The following ESRRG variants were observed in gnomAD, a reference collection of about 807,000 sequenced individuals.
ESRRG encodes estrogen related receptor gamma, also known as estrogen-related receptor gamma.
A neutral mutation model predicts 44.0 loss-of-function variants in ESRRG; 13 were observed. The observed-to-expected ratio is 0.30, with a 90% CI of 0.19 to 0.47. ESRRG has a LOEUF of 0.47. Among genes scored for constraint, ESRRG ranks in the 20% least tolerant of loss-of-function variants. The probability of loss-of-function intolerance (pLI) is 1.00; values close to 1 mark genes in which losing one functional copy is unlikely to be tolerated. For synonymous variants in ESRRG, 215 were observed against 214.6 expected (o/e 1.00, Z -0.02); for missense variants, 395 against 580.6 (o/e 0.68, Z 3.29).
chr1:216,526,388 G>C (rs538408834), intron 5 of ESRRG, among the ~76,000 whole-genome samples: 1 of 152,102 alleles, frequency 6.6e-6, no homozygotes, highest in African/African-American at 2.4e-5. Context: ...AGAGATGGAC[G>C]TGTGCAGAGG....
At position 216,716,039 on chromosome 1, in the gene ESRRG, G is replaced by A. The variant is rs375824162; in HGVS notation, c.56+7205C>T. Among the ~76,000 whole-genome samples the A allele has an allele frequency of 3.2e-3, 494 of 152,066 alleles. 1 individual carries two copies. The highest frequency in any genetic ancestry group is 0.012 in the African/African-American group (482 of 41,520). ...TGAATATGCCATACAAAAAGAAAGC[G>A]TAAGATTTTTTTGTTTTCCAGAAAA... On this transcript the variant is annotated intron_variant, in intron 1 of 6. Coordinates refer to ENST00000408911, the MANE Select transcript of ESRRG (RefSeq NM_001438.4).
intron 1 of ESRRG, among the ~76,000 whole-genome samples, chr1:217,117,112 T>G (rs1054946830): frequency 6.6e-6 from 1 of 152,176 alleles, no homozygotes; most frequent in African/African-American, 2.4e-5. Flanking sequence ...AGACTAACTT[T>G]GCAGTTTGTC....
chr1:216,936,081 C>T (rs1414045674), intron 2 of ESRRG, among the ~76,000 whole-genome samples: 1 of 151,786 alleles, frequency 6.6e-6, no homozygotes, highest in Non-Finnish European at 1.5e-5. Flanking sequence ...GGGAGCCCTC[C>T]AAAAGTCACC....
chr1:216,712,039 T>C (rs187808896), intron 1 of ESRRG, among the ~76,000 whole-genome samples: 11 of 152,354 alleles, frequency 7.2e-5, no homozygotes, highest in Non-Finnish European at 1.0e-4. Context: ...GATTTCAAAT[T>C]TGACCTTCCT....
chr1:216,578,276 C>A (rs1388698244), intron 3 of ESRRG, among the ~76,000 whole-genome samples: 1 of 151,798 alleles, frequency 6.6e-6, no homozygotes, highest in Non-Finnish European at 1.5e-5. Flanking sequence ...TTTCTTGTAA[C>A]ATTGGTAGCA....
chr1:216,755,152 A>G (rs2092366278), intron 2 of ESRRG, among the ~76,000 whole-genome samples: 1 of 152,078 alleles, frequency 6.6e-6, no homozygotes, highest in Non-Finnish European at 1.5e-5. Flanking sequence ...TTCTTTGAAT[A>G]AGATATTTTA....
At chr1:216,707,551 A>G in intron 1 of ESRRG, 1 of 1,454,328 alleles carries the variant, frequency 6.9e-7, no homozygotes, top group South Asian at 1.3e-5. Context: ...ATGTAAAACT[A>G]CAGCTACTTA....
At chr1:216,762,550 T>C (rs1183648567) in intron 2 of ESRRG, among the ~76,000 whole-genome samples, 1 of 130,378 alleles carries the variant, frequency 7.7e-6, no homozygotes, top group African/African-American at 2.9e-5. Flanking sequence ...CTCTGGGGAC[T>C]GTTGTGGGGT....
upstream of ESRRG, among the ~76,000 whole-genome samples, chr1:217,092,871 G>A (rs1411749142): frequency 6.6e-6 from 1 of 152,116 alleles, no homozygotes; most frequent in Non-Finnish European, 1.5e-5. Context: ...GTTTTATGTA[G>A]CAAAAGTGTT....
intron 1 of ESRRG, among the ~76,000 whole-genome samples, chr1:217,053,378 C>G (rs1319709335): frequency 6.6e-6 from 1 of 151,866 alleles, no homozygotes; most frequent in Non-Finnish European, 1.5e-5. Context: ...TCGCTTGAAC[C>G]TAGGAGATAG....
chr1:217,022,168 G>A (rs970337982), intron 1 of ESRRG, among the ~76,000 whole-genome samples: 8 of 152,198 alleles, frequency 5.3e-5, no homozygotes, highest in Non-Finnish European at 8.8e-5. Context: ...CCCTGCCAAA[G>A]CCATTCAGCC....
intron 2 of ESRRG, among the ~76,000 whole-genome samples, chr1:216,840,891 T>C (rs549372096): frequency 3.9e-5 from 6 of 152,130 alleles, no homozygotes; most frequent in African/African-American, 1.4e-4. Flanking sequence ...TCACTGATCA[T>C]AGATCACCAT....
At chr1:216,858,273 TAA>T (rs761022477) in intron 2 of ESRRG, among the ~76,000 whole-genome samples, 7 of 141,190 alleles carry the variant, frequency 5.0e-5, no homozygotes, top group African/African-American at 5.2e-5. Context: ...CTGTCTCTAC[TAA>T]AAAAAAAAAA....
At chr1:216,651,589 A>G (rs1203981201) in intron 2 of ESRRG, among the ~76,000 whole-genome samples, 1 of 152,152 alleles carries the variant, frequency 6.6e-6, no homozygotes, top group African/African-American at 2.4e-5. Context: ...AAGCTCCTAG[A>G]GGGTAGGGAC....
intron 2 of ESRRG, among the ~76,000 whole-genome samples, chr1:216,655,348 A>G (rs2151121028): frequency 6.6e-6 from 1 of 152,296 alleles, no homozygotes; most frequent in South Asian, 2.1e-4. Flanking sequence ...GTCATGGTTC[A>G]GGATGCAGTA....
intron 1 of ESRRG, among the ~76,000 whole-genome samples, chr1:216,951,273 A>G (rs978345701): frequency 1.3e-4 from 20 of 152,194 alleles, no homozygotes; most frequent in Admixed American, 6.5e-5. Context: ...TTAATGCCTT[A>G]ATACAGACAT....
chr1:216,798,285 C>A (rs538652146), intron 2 of ESRRG, among the ~76,000 whole-genome samples: 3 of 152,236 alleles, frequency 2.0e-5, no homozygotes, highest in Admixed American at 2.0e-4. Context: ...ATAGTGCCAT[C>A]CAATTTAGCT....
At chr1:216,972,562 T>C (rs952748276) in intron 1 of ESRRG, among the ~76,000 whole-genome samples, 1 of 152,204 alleles carries the variant, frequency 6.6e-6, no homozygotes, top group African/African-American at 2.4e-5. Context: ...ACATTGACTC[T>C]GCTCATCAAC....
chr1:216,922,548 G>C (rs1357663428), intron 2 of ESRRG, among the ~76,000 whole-genome samples: 2 of 152,164 alleles, frequency 1.3e-5, no homozygotes, highest in Non-Finnish European at 2.9e-5. Flanking sequence ...TAGAATTACT[G>C]CAGCAAGAAG....
Sources: gnomAD v4.1 joint callset for allele counts (sites outside exome capture counted in the v4.1 genomes callset) on GRCh38, gnomAD v4.1.1 for gene constraint, MANE v1.5 for transcripts, NCBI Gene and HGNC (gene_info 2026-07-23, HGNC 2026-07-21) for gene names.